APBA1: variants seen among roughly 807,000 people sequenced by gnomAD.
APBA1 encodes the protein amyloid beta precursor protein binding family A member 1.
APBA1 carries 55 observed loss-of-function variants against 86.6 expected under a neutral mutation model. That is an observed-to-expected ratio of 0.64 (90% CI 0.51 to 0.80). The LOEUF (loss-of-function observed/expected upper bound fraction) is 0.80, where lower values mean the gene tolerates loss of function less well. Ranked by LOEUF, APBA1 falls within the 30% of genes least tolerant of loss-of-function variation. The probability of loss-of-function intolerance (pLI) is 0.00; values close to 1 mark genes in which losing one functional copy is unlikely to be tolerated. For missense variants in APBA1, 1,090 were observed against 1,183.0 expected (o/e 0.92, Z 1.15); for synonymous variants, 511 against 493.9 (o/e 1.03, Z -0.46).
At chr9:69,468,052 T>C in intron 4 of APBA1, 84 bp from the exon 5 acceptor site, 1 of 1,533,634 alleles carries the variant, frequency 6.5e-7, no homozygotes, top group African/African-American at 1.4e-5. Context: ...CCCTCTCCCA[T>C]GCCTCACTGC....
chr9:69,589,322 T>A (rs1334705186), intron 1 of APBA1, among the ~76,000 whole-genome samples: 2 of 152,312 alleles, frequency 1.3e-5, no homozygotes, highest in East Asian at 3.9e-4. Context: ...AATCAATCAC[T>A]GTTGCTTGAT....
intron 1 of APBA1, among the ~76,000 whole-genome samples, chr9:69,596,470 G>A (rs1486072017): frequency 1.3e-5 from 2 of 152,114 alleles, no homozygotes; most frequent in African/African-American, 4.8e-5. Context: ...ATATATGTTT[G>A]TTTCTCTTTT....
chr9:69,602,307 C>G (rs1588388198), intron 1 of APBA1, among the ~76,000 whole-genome samples: 1 of 152,158 alleles, frequency 6.6e-6, no homozygotes, highest in African/African-American at 2.4e-5. Flanking sequence ...CGCGGTTGCT[C>G]AAGCCTGTAA....
At chr9:69,592,023 G>T (rs568751864) in intron 1 of APBA1, among the ~76,000 whole-genome samples, 22 of 152,304 alleles carry the variant, frequency 1.4e-4, no homozygotes, top group African/African-American at 5.3e-4. Flanking sequence ...GACTTTGATA[G>T]GATGGGTGCT....
chr9:69,641,203 C>G (rs1823281086), intron 1 of APBA1, among the ~76,000 whole-genome samples: 1 of 151,822 alleles, frequency 6.6e-6, no homozygotes, highest in Admixed American at 6.6e-5. Flanking sequence ...AAAGAAAATA[C>G]TAAAAACGTG....
chr9:69,499,090 A>G (rs970740931), intron 2 of APBA1, among the ~76,000 whole-genome samples: 2 of 152,132 alleles, frequency 1.3e-5, no homozygotes, highest in African/African-American at 4.8e-5. Flanking sequence ...AGGGTATGCC[A>G]GCCCCATTTT....
At position 69,476,129 on chromosome 9, in the gene APBA1, G is replaced by T. The variant is rs1835441176; in HGVS notation, c.1215C>A (p.Gly405=). Residue 405 remains glycine, a synonymous_variant, in exon 3 of 13, where the codon GGC becomes GGA. Coordinates refer to ENST00000265381, the MANE Select transcript of APBA1 (RefSeq NM_001163.4). ...RPMDGDSPSP[G]SSSPLGAESS... ...ACTCTGCACCCAAGGGGGAGGAGCT[G>T]CCAGGAGACGGAGACTAGAACACAG... 1 of 1,613,452 alleles carries T rather than the reference G, an allele frequency of 6.2e-7. No homozygotes were observed. Among genetic ancestry groups the T allele is most frequent in the African/African-American group, 1.3e-5 (1 of 74,916 alleles).
intron 1 of APBA1, among the ~76,000 whole-genome samples, chr9:69,669,327 C>T (rs941131707): frequency 1.3e-5 from 2 of 152,136 alleles, no homozygotes; most frequent in African/African-American, 4.8e-5. Context: ...TCTCTTACCC[C>T]TAAGTCTTCC....
Position 69,516,259 on chromosome 9 carries a change from C to T in APBA1, c.952G>A (p.Ala318Thr). 7.2e-7 allele frequency: 1 copy of T among 1,380,104 alleles called. No homozygotes were observed. The highest frequency in any genetic ancestry group is 3.1e-5 in the East Asian group (1 of 32,610). 85.5% of individuals were successfully genotyped at this position (1,380,104 alleles called of 1,614,324 possible). The change falls in exon 2 of 13, where the codon GCG (alanine) becomes ACG (threonine). Residue 318 changes from alanine (A) to threonine (T), a missense_variant. Coordinates refer to ENST00000265381, the MANE Select transcript of APBA1 (RefSeq NM_001163.4). The surrounding 1 kb of genome is among the most constrained non-coding windows in gnomAD (Gnocchi z 7.3). Reference sequence around the variant, plus strand: ...ACCGCCCGCTGCTGCCCCGCCGGCGCCTGCAGCCCGGGGCTGTCGGGGCGA... The same window carrying T: ...ACCGCCCGCTGCTGCCCCGCCGGCGTCTGCAGCCCGGGGCTGTCGGGGCGA... ...GGRPDSPGLQ[A>T]PAGQQRAVGP...
At chr9:69,608,052 T>C (rs1172525439) in intron 1 of APBA1, among the ~76,000 whole-genome samples, 1 of 152,238 alleles carries the variant, frequency 6.6e-6, no homozygotes, top group Non-Finnish European at 1.5e-5. Context: ...AAGCCACATC[T>C]ACTATTTTTA....
At chr9:69,616,914 A>G (rs1714474869) in intron 1 of APBA1, among the ~76,000 whole-genome samples, 1 of 152,230 alleles carries the variant, frequency 6.6e-6, no homozygotes, top group African/African-American at 2.4e-5. Flanking sequence ...GACCCTGACA[A>G]GTGGAGCTGG....
At chr9:69,552,024 CAT>C (rs1450132796) in intron 1 of APBA1, among the ~76,000 whole-genome samples, 1 of 152,182 alleles carries the variant, frequency 6.6e-6, no homozygotes, top group African/African-American at 2.4e-5. Flanking sequence ...GTTTTAAAGA[CAT>C]ATCACACAGT....
At chr9:69,557,682 C>T (rs1479021818) in intron 1 of APBA1, among the ~76,000 whole-genome samples, 1 of 152,194 alleles carries the variant, frequency 6.6e-6, no homozygotes, top group Non-Finnish European at 1.5e-5. Flanking sequence ...AATGCAGTCA[C>T]TTTGAATGTT....
chr9:69,511,636 C>A (rs189359967), intron 2 of APBA1, among the ~76,000 whole-genome samples: 1 of 151,816 alleles, frequency 6.6e-6, no homozygotes, highest in East Asian at 1.9e-4. Flanking sequence ...ATGTTTACTG[C>A]GGCATTATTC....
intron 1 of APBA1, among the ~76,000 whole-genome samples, chr9:69,597,606 G>T (rs1271364030): frequency 1.3e-5 from 2 of 152,176 alleles, no homozygotes; most frequent in Non-Finnish European, 2.9e-5. Context: ...GTCTTGAATG[G>T]TAATGCCTAG....
At chr9:69,466,491 G>A (rs1408692076) in intron 5 of APBA1, among the ~76,000 whole-genome samples, 3 of 152,196 alleles carry the variant, frequency 2.0e-5, no homozygotes, top group Non-Finnish European at 2.9e-5. Context: ...AGTGGTCAGA[G>A]GTGTTCGCAT....
At chr9:69,486,754 G>A (rs1202477094) in intron 2 of APBA1, among the ~76,000 whole-genome samples, 1 of 152,020 alleles carries the variant, frequency 6.6e-6, no homozygotes, top group African/African-American at 2.4e-5. Context: ...AGGCTGCGGA[G>A]CCGGGCTGGG....
chr9:69,641,908 T>A (rs1353104329), intron 1 of APBA1, among the ~76,000 whole-genome samples: 1 of 152,198 alleles, frequency 6.6e-6, no homozygotes, highest in Non-Finnish European at 1.5e-5. Flanking sequence ...TGCCGTGGCG[T>A]GATCTCGGCT....
At chr9:69,459,271 T>C (rs1284319789) in intron 5 of APBA1, among the ~76,000 whole-genome samples, 1 of 152,236 alleles carries the variant, frequency 6.6e-6, no homozygotes, top group Non-Finnish European at 1.5e-5. Context: ...TCCGTAGTTG[T>C]TAGGGACAGT....
Sources: allele counts gnomAD v4.1 joint callset (sites outside exome capture counted in the v4.1 genomes callset), GRCh38; gene constraint gnomAD v4.1.1; non-coding constraint Gnocchi (gnomAD v3.1); transcripts MANE v1.5; gene names NCBI Gene and HGNC (gene_info 2026-07-23, HGNC 2026-07-21).